GRB10: variants seen among roughly 807,000 people sequenced by gnomAD.
GRB10 encodes growth factor receptor bound protein 10.
A neutral mutation model predicts 80.9 loss-of-function variants in GRB10; 20 were observed. The observed-to-expected ratio is 0.25, with a 90% CI of 0.17 to 0.36. The LOEUF (loss-of-function observed/expected upper bound fraction) is 0.36, where lower values mean the gene tolerates loss of function less well. Among genes scored for constraint, GRB10 ranks in the 10% least tolerant of loss-of-function variants. The pLI is 1.00. For synonymous variants in GRB10, 291 were observed against 291.5 expected, an observed-to-expected ratio of 1.00 and a Z score of 0.02; for missense variants, 548 against 747.7, an observed-to-expected ratio of 0.73 and a Z score of 3.12.
intron 5 of GRB10, among the ~76,000 whole-genome samples, chr7:50,675,726 G>A (rs1413524054): frequency 6.6e-6 from 1 of 152,044 alleles, no homozygotes; most frequent in Non-Finnish European, 1.5e-5. Flanking sequence ...TAAAACACAT[G>A]TGTCTCTCTC....
At chr7:50,605,147 C>A in intron 15 of GRB10, 143 bp downstream of exon 15, 1 of 607,674 alleles carries the variant, frequency 1.6e-6, no homozygotes, top group South Asian at 1.8e-5. Context: ...GGGCCAACTG[C>A]TTCCTGCAGC....
intron 7 of GRB10, among the ~76,000 whole-genome samples, chr7:50,643,500 A>G (rs2056658940): frequency 6.6e-6 from 1 of 152,218 alleles, no homozygotes; most frequent in Non-Finnish European, 1.5e-5. Flanking sequence ...GAGATCTTAA[A>G]GTGAATGCAA....
chr7:50,693,559 G>C (rs746592728), intron 5 of GRB10, among the ~76,000 whole-genome samples: 1 of 152,196 alleles, frequency 6.6e-6, no homozygotes, highest in African/African-American at 2.4e-5. Flanking sequence ...CTCAAGTCAG[G>C]AGTTAAGTGT....
At chr7:50,690,591 C>T (rs2062699305) in intron 5 of GRB10, among the ~76,000 whole-genome samples, 1 of 152,214 alleles carries the variant, frequency 6.6e-6, no homozygotes, top group Non-Finnish European at 1.5e-5. Flanking sequence ...TGACTCACTG[C>T]TCACCACTGC....
At chr7:50,772,378 C>G (rs1314079995) in intron 2 of GRB10, among the ~76,000 whole-genome samples, 2 of 152,224 alleles carry the variant, frequency 1.3e-5, no homozygotes, top group Non-Finnish European at 2.9e-5. Flanking sequence ...AGTCCCAGGA[C>G]AGTCAAAGAA....
chr7:50,659,144 T>G (rs150368093), intron 7 of GRB10, among the ~76,000 whole-genome samples: 1 of 152,202 alleles, frequency 6.6e-6, no homozygotes, highest in African/African-American at 2.4e-5. Context: ...CTTGAGTGAA[T>G]AGGTAGGTTT....
chr7:50,785,251 C>T (rs975958636), upstream of GRB10, among the ~76,000 whole-genome samples: 2 of 152,220 alleles, frequency 1.3e-5, no homozygotes, highest in African/African-American at 2.4e-5. Flanking sequence ...CTCCTGTCAG[C>T]TTCTGAGCAA....
chr7:50,606,119 C>T (rs117896224), intron 14 of GRB10, among the ~76,000 whole-genome samples: 1 of 152,270 alleles, frequency 6.6e-6, no homozygotes, highest in South Asian at 2.1e-4. Context: ...AGGGGAGATG[C>T]AGGGACGGGA....
At chr7:50,624,905 C>T (rs1222796814) in intron 8 of GRB10, among the ~76,000 whole-genome samples, 1 of 150,910 alleles carries the variant, frequency 6.6e-6, no homozygotes, top group East Asian at 1.9e-4. Context: ...GTTTCCCTTT[C>T]CCTTTTTTTC....
chr7:50,619,780 G>A (rs767740363), intron 8 of GRB10, among the ~76,000 whole-genome samples: 6 of 152,174 alleles, frequency 3.9e-5, no homozygotes, highest in Non-Finnish European at 7.3e-5. Context: ...GGGAGAGGCC[G>A]TGATGCACAG....
chr7:50,706,063 A>C (rs2064999610), intron 4 of GRB10, among the ~76,000 whole-genome samples: 1 of 152,224 alleles, frequency 6.6e-6, no homozygotes, highest in South Asian at 2.1e-4. Context: ...TCTGAATTTT[A>C]CAACAATCCA....
intron 2 of GRB10, among the ~76,000 whole-genome samples, chr7:50,773,631 A>C (rs968907118): frequency 1.3e-5 from 2 of 152,196 alleles, no homozygotes; most frequent in African/African-American, 2.4e-5. Context: ...TCTAGAAAAC[A>C]GTTTGGCAGT....
intron 4 of GRB10, among the ~76,000 whole-genome samples, chr7:50,708,673 GTTTTTTT>G (rs150250702): frequency 1.2e-5 from 1 of 83,258 alleles, no homozygotes. Context: ...CTGTGAGTCT[GTTTTTTT>G]TTTTTTTTTT....
At chr7:50,757,675 A>G (rs1454514057) in intron 2 of GRB10, among the ~76,000 whole-genome samples, 1 of 152,260 alleles carries the variant, frequency 6.6e-6, no homozygotes, top group Non-Finnish European at 1.5e-5. Context: ...TGACTAAAAG[A>G]TAAGAAAAAA....
At chr7:50,769,484 C>G (rs919494833) in intron 2 of GRB10, among the ~76,000 whole-genome samples, 1 of 152,234 alleles carries the variant, frequency 6.6e-6, no homozygotes, top group Non-Finnish European at 1.5e-5. Context: ...CTTCCCCCAT[C>G]CTTCCTGACA....
intron 7 of GRB10, among the ~76,000 whole-genome samples, chr7:50,627,960 C>T (rs371962720): frequency 1.8e-4 from 28 of 152,312 alleles, no homozygotes; most frequent in East Asian, 1.7e-3. Context: ...GGCTGCCTTG[C>T]ACCGGCTCCC....
At chr7:50,649,275 C>T (rs1354982261) in intron 7 of GRB10, among the ~76,000 whole-genome samples, 3 of 152,186 alleles carry the variant, frequency 2.0e-5, no homozygotes, top group African/African-American at 7.2e-5. Context: ...AGTGCTGTGT[C>T]AGAGGGAGGC....
chr7:50,708,445 C>T (rs570360958), intron 4 of GRB10, among the ~76,000 whole-genome samples: 31 of 152,276 alleles, frequency 2.0e-4, no homozygotes, highest in African/African-American at 6.7e-4. Flanking sequence ...AAAGATCATC[C>T]GGACAGAGCT....
intron 2 of GRB10, chr7:50,761,713 G>A (rs373093450): frequency 1.3e-5 from 2 of 152,328 alleles, no homozygotes; most frequent in East Asian, 3.9e-4. Flanking sequence ...TTGGTTCTGT[G>A]TCCCTACCAA....
Sources: gnomAD v4.1 joint callset for allele counts (sites outside exome capture counted in the v4.1 genomes callset) on GRCh38, gnomAD v4.1.1 for gene constraint, MANE v1.5 for transcripts, NCBI Gene and HGNC (gene_info 2026-07-23, HGNC 2026-07-21) for gene names.